PDE12: variants seen among roughly 807,000 people sequenced by gnomAD.
The protein encoded by PDE12 is phosphodiesterase 12.
Under a neutral mutation model 45.4 loss-of-function variants are expected in PDE12, and 26 were observed. The observed-to-expected ratio is 0.57, with a 90% confidence interval of 0.42 to 0.79. PDE12 has a LOEUF of 0.79. Among genes scored for constraint, PDE12 ranks in the 30% least tolerant of loss-of-function variants. The pLI is 0.00. For missense variants in PDE12, 668 were observed against 790.0 expected (o/e 0.85, Z 1.85); for synonymous variants, 283 against 323.9 (o/e 0.87, Z 1.36).
the PDE12 span, chr3:57,630,214 T>C: frequency 8.4e-6 from 4 of 475,502 alleles, no homozygotes; most frequent in African/African-American, 2.0e-5. Context: ...ATAACACACC[T>C]ACCTCAAAGA....
chr3:57,571,501 T>TA (rs1283206835), downstream of PDE12: 1 of 152,608 alleles, frequency 6.6e-6, no homozygotes, highest in African/African-American at 2.4e-5. Flanking sequence ...AGAACTATCA[T>TA]ATACTGAGCA....
chr3:57,640,274 AAAAAAACAAAAAAAAAC>A, the PDE12 span, among the ~76,000 whole-genome samples: 3 of 139,468 alleles, frequency 2.2e-5, no homozygotes, highest in East Asian at 2.1e-4. Flanking sequence ...GTCTCAAAAA[AAAAAAACAAAAAAAAAC>A]AAAAAACAAA....
chr3:57,610,323 A>G, the PDE12 span, among the ~76,000 whole-genome samples: 1 of 152,200 alleles, frequency 6.6e-6, no homozygotes, highest in South Asian at 2.1e-4. Context: ...GAAAACTGGC[A>G]CAAGACGGGG....
At chr3:57,631,210 T>C in the PDE12 span, 1 of 478,704 alleles carries the variant, frequency 2.1e-6, no homozygotes. Context: ...CATTTTTTCT[T>C]TTTTGAGACA....
At chr3:57,639,311 G>A in the PDE12 span, among the ~76,000 whole-genome samples, 22 of 152,184 alleles carry the variant, frequency 1.4e-4, no homozygotes, top group African/African-American at 4.8e-4. Flanking sequence ...TACATTGCTG[G>A]TAAGAATGTA....
the PDE12 span, among the ~76,000 whole-genome samples, chr3:57,610,026 C>G: frequency 1.3e-5 from 2 of 152,128 alleles, no homozygotes; most frequent in Non-Finnish European, 2.9e-5. Flanking sequence ...CACCAAAAAG[C>G]TTATCCATCA....
At chr3:57,615,753 A>G in the PDE12 span, among the ~76,000 whole-genome samples, 1 of 152,056 alleles carries the variant, frequency 6.6e-6, no homozygotes, top group Non-Finnish European at 1.5e-5. Flanking sequence ...GCAGTGACCC[A>G]AGATCATGCT....
chr3:57,628,085 C>A, the PDE12 span: 45 of 1,289,906 alleles, frequency 3.5e-5, no homozygotes, highest in Non-Finnish European at 4.5e-5. Context: ...AGTCTTTCTA[C>A]CCTGTAACTA....
chr3:57,557,353 C>T lies in PDE12; in HGVS notation c.974C>T (p.Ala325Val). The change falls in exon 1 of 3, where the codon GCC becomes GTC. Residue 325 changes from alanine to valine, a missense_variant. Ala to Val is a moderately conservative substitution (Grantham distance 64). This residue lies in a region of PDE12 where 580 missense variants were observed against 662.9 expected (regional missense o/e 0.87). Coordinates refer to ENST00000311180, the MANE Select transcript of PDE12 (RefSeq NM_177966.7). Reference sequence around the variant, plus strand: ...CTGTACCCATACTGTGCCCCCTACGCCCTGGAGCTCGACTACCGCCAGAAC... The same window carrying T: ...CTGTACCCATACTGTGCCCCCTACGTCCTGGAGCTCGACTACCGCCAGAAC... ...TVLYPYCAPYALELDYRQNLI... is the reference protein window; with the variant it reads ...TVLYPYCAPYVLELDYRQNLI... 1 of 1,613,952 alleles carries T rather than the reference C, an allele frequency of 6.2e-7. No individual in the cohort carries two copies. The highest frequency in any genetic ancestry group is 8.5e-7 in the Non-Finnish European group (1 of 1,180,008).
chr3:57,558,164 GT>G (rs1365101175), intron 1 of PDE12, among the ~76,000 whole-genome samples: 3 of 151,692 alleles, frequency 2.0e-5, no homozygotes, highest in Non-Finnish European at 4.4e-5. Flanking sequence ...TTGTGTTAAA[GT>G]TTTTAAGTAA....
At chr3:57,596,106 G>A in the PDE12 span, among the ~76,000 whole-genome samples, 1 of 152,106 alleles carries the variant, frequency 6.6e-6, no homozygotes, top group Admixed American at 6.6e-5. Context: ...ACAGTAACCG[G>A]GAGCGGTTGC....
rs35230512 is a variant in PDE12 at position 57,564,853 on chromosome 3, CAA to C, written c.*4865_*4866del. On this transcript the variant is annotated 3_prime_UTR_variant, in exon 3 of 3. Transcript: ENST00000311180. ...GGCTAATTTTTGTATATTTTATAGG[CAA>C]AAAAAAAAAAAAAAATGGTTTCACC... The C allele has an allele frequency of 3.5e-3, 388 of 112,432 alleles. 3 individuals are homozygous for C. The East Asian group carries it at 0.044, about 13-fold the overall frequency. The allele number at this position is 112,432 out of a possible 1,614,324, so 7.0% of individuals were successfully genotyped here.
At chr3:57,600,970 A>G in the PDE12 span, 1 of 152,216 alleles carries the variant, frequency 6.6e-6, no homozygotes, top group Non-Finnish European at 1.5e-5. Context: ...GCCCTACAAG[A>G]AAAATTGCTA....
At chr3:57,617,140 C>T in the PDE12 span, among the ~76,000 whole-genome samples, 1 of 152,092 alleles carries the variant, frequency 6.6e-6, no homozygotes, top group African/African-American at 2.4e-5. Flanking sequence ...CACAGTGACT[C>T]ATGTCTGCGA....
In PDE12 at chr3:57,563,599, C is replaced by CTA. The variant is rs1351360911; in HGVS notation, c.*3596_*3597dup. 1 of 152,134 alleles carries CTA rather than the reference C, an allele frequency of 6.6e-6. No homozygotes were observed. Among genetic ancestry groups the CTA allele is most frequent in the Admixed American group, 6.6e-5 (1 of 15,256 alleles). The allele number at this position is 152,134 out of a possible 1,614,324, so 9.4% of individuals were successfully genotyped here. A position where few individuals can be genotyped will look rare whatever the true frequency, so the allele number is the denominator to read the frequency against. The stretch of plus-strand genomic sequence containing the variant: ...ATATAGTACAGGAAGGCAACACTAT[C>CTA]TAGAGGGCCAGGCATAGTGGCTCTT... On this transcript the variant is annotated 3_prime_UTR_variant, in exon 3 of 3. Coordinates refer to ENST00000311180, the MANE Select transcript of PDE12 (RefSeq NM_177966.7).
At chr3:57,573,165 G>A in the PDE12 span, among the ~76,000 whole-genome samples, 2 of 148,928 alleles carry the variant, frequency 1.3e-5, no homozygotes, top group East Asian at 4.0e-4. Context: ...TCGTGCCACA[G>A]CACTCCAGCC....
the PDE12 span, among the ~76,000 whole-genome samples, chr3:57,620,533 A>C: frequency 2.0e-5 from 3 of 152,190 alleles, no homozygotes; most frequent in Non-Finnish European, 4.4e-5. Flanking sequence ...AGAAGAAGTA[A>C]AACAGTCTTT....
chr3:57,606,702 CATT>C, the PDE12 span, among the ~76,000 whole-genome samples: 4 of 151,850 alleles, frequency 2.6e-5, 1 homozygote, highest in Admixed American at 2.6e-4. Flanking sequence ...AAAATGGAAA[CATT>C]ATTGTAAGGT....
At chr3:57,650,054 C>T in the PDE12 span, among the ~76,000 whole-genome samples, 1 of 151,940 alleles carries the variant, frequency 6.6e-6, no homozygotes, top group South Asian at 2.1e-4. Context: ...AACCAAACAT[C>T]ATATGTTCTC....
Sources: gnomAD v4.1 joint callset for allele counts (sites outside exome capture counted in the v4.1 genomes callset) on GRCh38, gnomAD v4.1.1 for gene constraint, gnomAD v4.1.1 regional missense constraint, MANE v1.5 for transcripts, NCBI Gene and HGNC (gene_info 2026-07-23, HGNC 2026-07-21) for gene names.